Variants in NPIPA7 observed in about 807,000 individuals in gnomAD.
The protein encoded by NPIPA7 is nuclear pore complex interacting protein family member A7.
At chr16:16,382,098 C>T (rs1406264102) in intron 1 of NPIPA7, among the ~76,000 whole-genome samples, 2 of 109,218 alleles carry the variant, frequency 1.8e-5, no homozygotes, top group Non-Finnish European at 3.8e-5. Flanking sequence ...ATGAAGTAAT[C>T]TCTTCATTGT....
chr16:16,388,511 A>G lies in NPIPA7; in HGVS notation c.437+705A>G, dbSNP rs1183702449. Among the ~76,000 whole-genome samples the G allele has an allele frequency of 6.2e-3, 202 of 32,326 alleles. 1 individual carries two copies. Among genetic ancestry groups the G allele is most frequent in the African/African-American group, 0.026 (188 of 7,254 alleles). The allele number at this position is 32,326 out of a possible 152,430, so 21.2% of individuals were successfully genotyped here. A position where few individuals can be genotyped will look rare whatever the true frequency, so the allele number is the denominator to read the frequency against. Reference sequence around the variant, plus strand: ...GCTTGGATTACAGGTGTGTGCCGCCACATTCGGCCAATTTTTTTTTTTTTT... The same window carrying G: ...GCTTGGATTACAGGTGTGTGCCGCCGCATTCGGCCAATTTTTTTTTTTTTT... On this transcript the variant is annotated intron_variant, in intron 4 of 7. Transcript: ENST00000530217.
chr16:16,386,940 C>T (rs1027671761), intron 2 of NPIPA7, among the ~76,000 whole-genome samples: 7 of 142,906 alleles, frequency 4.9e-5, no homozygotes, highest in Non-Finnish European at 7.8e-5. Flanking sequence ...GCAGAGACAG[C>T]GTTTCTCCAT....
At position 16,386,598 on chromosome 16, in the gene NPIPA7, G is replaced by C. The variant is rs374523077; in HGVS notation, c.193-801G>C. On this transcript the variant is annotated intron_variant, in intron 2 of 7. Coordinates refer to ENST00000530217, the Ensembl canonical transcript of NPIPA7. ...CCGAGTAGCTGGGACTACAGGCGTG[G>C]GCCACCATGCTCAGCTAATTTTTGT... is the stretch of plus-strand genomic sequence containing the variant. 1.7e-3 allele frequency among the ~76,000 whole-genome samples: 180 copies of C among 104,778 alleles called. 1 individual carries two copies. In the East Asian group the frequency reaches 0.02, roughly 11 times the overall value. 68.7% of individuals were successfully genotyped at this position (104,778 alleles called of 152,430 possible). A position where few individuals can be genotyped will look rare whatever the true frequency, so the allele number is the denominator to read the frequency against.
intron 4 of NPIPA7, among the ~76,000 whole-genome samples, chr16:16,388,517 G>C (rs977759248): frequency 7.5e-5 from 4 of 53,252 alleles, no homozygotes; most frequent in Non-Finnish European, 1.5e-4. Flanking sequence ...CGCCACATTC[G>C]GCCAATTTTT....
At chr16:16,386,373 ATACT>A (rs2050126523) in intron 2 of NPIPA7, among the ~76,000 whole-genome samples, 1 of 140,480 alleles carries the variant, frequency 7.1e-6, no homozygotes. Flanking sequence ...CTGTGGTAAA[ATACT>A]TACAAGATGA....
At chr16:16,386,369 T>A (rs2050126192) in intron 2 of NPIPA7, among the ~76,000 whole-genome samples, 2 of 140,746 alleles carry the variant, frequency 1.4e-5, no homozygotes, top group South Asian at 4.7e-4. Context: ...TAACCTGTGG[T>A]AAAATACTTA....
chr16:16,386,309 A>T (rs2050124489), intron 2 of NPIPA7, among the ~76,000 whole-genome samples: 1 of 141,378 alleles, frequency 7.1e-6, no homozygotes, highest in African/African-American at 2.7e-5. Context: ...CAAATTCTAG[A>T]ACTCAGAGAG....
intron 4 of NPIPA7, among the ~76,000 whole-genome samples, chr16:16,388,553 C>T (rs1374690186): frequency 0.039 from 1,631 of 41,394 alleles, 4 homozygotes; most frequent in South Asian, 0.094. Context: ...TTTTTTGAGA[C>T]GGAGTCTCAC....
chr16:16,386,479 C>T (rs2050133528), intron 2 of NPIPA7, among the ~76,000 whole-genome samples: 1 of 62,942 alleles, frequency 1.6e-5, no homozygotes, highest in African/African-American at 5.9e-5. Context: ...GAGACAGAGT[C>T]TCACTCTGTC....
At position 16,388,049 on chromosome 16, in the gene NPIPA7, CTCTT is replaced by C. The variant is rs1369093891; in HGVS notation, c.437+245_437+248del. Reference sequence around the variant, plus strand: ...GTACTGCATTGGTTTTCCTTTCTCTCTCTTTTTTTTTTTTTTTTTTCCTGAGATG... The same window carrying C: ...GTACTGCATTGGTTTTCCTTTCTCTCTTTTTTTTTTTTTTTTCCTGAGATG... On this transcript the variant is annotated intron_variant, in intron 4 of 7. Coordinates refer to ENST00000530217, the Ensembl canonical transcript of NPIPA7. Among the ~76,000 whole-genome samples the C allele has an allele frequency of 2.8e-3, 128 of 44,950 alleles. 1 individual carries two copies. Among genetic ancestry groups the C allele is most frequent in the East Asian group, 0.021 (17 of 800 alleles). 29.5% of individuals were successfully genotyped at this position (44,950 alleles called of 152,430 possible).
intron 2 of NPIPA7, among the ~76,000 whole-genome samples, chr16:16,386,297 T>C (rs2050124248): frequency 7.1e-6 from 1 of 139,886 alleles, no homozygotes; most frequent in South Asian, 2.4e-4. Context: ...GGTGAAATGT[T>C]ACAAATTCTA....
chr16:16,386,369 T>C (rs2050126192), intron 2 of NPIPA7, among the ~76,000 whole-genome samples: 1 of 140,746 alleles, frequency 7.1e-6, no homozygotes, highest in African/African-American at 2.7e-5. Context: ...TAACCTGTGG[T>C]AAAATACTTA....
rs1405087357 is a variant in NPIPA7 at position 16,386,794 on chromosome 16, G to T, written c.193-605G>T. 6.6e-3 allele frequency among the ~76,000 whole-genome samples: 829 copies of T among 126,278 alleles called. 19 individuals are homozygous for T. The highest frequency in any genetic ancestry group is 9.3e-3 in the Non-Finnish European group (543 of 58,092). The allele number at this position is 126,278 out of a possible 152,430, so 82.8% of individuals were successfully genotyped here. ...GACAGAGTTTGAATTTTGTTGCCCA[G>T]GTTGGAGTGCAATGGCACAATCTCA... is the stretch of plus-strand genomic sequence containing the variant. On this transcript the variant is annotated intron_variant, in intron 2 of 7. Transcript: ENST00000530217.
intron 2 of NPIPA7, among the ~76,000 whole-genome samples, chr16:16,386,652 G>A (rs1443660819): frequency 2.9e-4 from 35 of 118,806 alleles, no homozygotes; most frequent in Non-Finnish European, 5.3e-4. Flanking sequence ...GTTTCACCAT[G>A]TTGCCCAGGA....
rs1315304840 is a variant in NPIPA7 at position 16,386,416 on chromosome 16, A to G, written c.193-983A>G. Among the ~76,000 whole-genome samples, 11 of 131,496 alleles carry G rather than the reference A, an allele frequency of 8.4e-5. No homozygotes were observed. The South Asian group carries it at 2.9e-3, about 34-fold the overall frequency. 86.3% of individuals were successfully genotyped at this position (131,496 alleles called of 152,430 possible). Reference sequence around the variant, plus strand: ...TTACCATCTAACCGTGTTGAAGTGTACAGTTCAGTTGTGTGAAGTATATTC... The same window carrying G: ...TTACCATCTAACCGTGTTGAAGTGTGCAGTTCAGTTGTGTGAAGTATATTC... On this transcript the variant is annotated intron_variant, in intron 2 of 7. Coordinates refer to ENST00000530217, the Ensembl canonical transcript of NPIPA7.
intron 4 of NPIPA7, among the ~76,000 whole-genome samples, chr16:16,388,530 T>A (rs1367476627): frequency 1.4e-5 from 1 of 70,424 alleles, no homozygotes; most frequent in African/African-American, 5.5e-5. Flanking sequence ...CAATTTTTTT[T>A]TTTTTTTTTT....
chr16:16,387,060 TTGTGTGTGTGTGTGTGTGTG>T (rs374685325), intron 2 of NPIPA7, among the ~76,000 whole-genome samples: 1 of 101,452 alleles, frequency 9.9e-6, no homozygotes, highest in African/African-American at 3.5e-5. Context: ...ATGTCATTCT[TTGTGTGTGTGTGTGTGTGTG>T]TGTGTGTGTG....
intron 2 of NPIPA7, among the ~76,000 whole-genome samples, chr16:16,386,442 A>G (rs2050129466): frequency 9.9e-6 from 1 of 101,236 alleles, no homozygotes; most frequent in Non-Finnish European, 2.0e-5. Flanking sequence ...AAGTATATTC[A>G]TGTCATTTTT....
chr16:16,388,051 CTTTTTTTT>C (rs1252652575), intron 4 of NPIPA7, among the ~76,000 whole-genome samples: 1 of 44,718 alleles, frequency 2.2e-5, no homozygotes, highest in Non-Finnish European at 3.5e-5. Flanking sequence ...CTTTCTCTCT[CTTTTTTTT>C]TTTTTTTTTT....
Sources: gnomAD v4.1 joint callset for allele counts (sites outside exome capture counted in the v4.1 genomes callset) on GRCh38, gnomAD v4.1.1 for gene constraint, MANE v1.5 for transcripts, NCBI Gene and HGNC (gene_info 2026-07-23, HGNC 2026-07-21) for gene names.